KCND2: variants seen among roughly 807,000 people sequenced by gnomAD.
The protein encoded by KCND2 is potassium voltage-gated channel subfamily D member 2, also known as A-type voltage-gated potassium channel KCND2.
A neutral mutation model predicts 54.4 loss-of-function variants in KCND2; 16 were observed. The ratio of observed to expected loss-of-function variants is 0.29; its 90% confidence interval spans 0.20 to 0.45. The LOEUF is 0.45. Ranked by LOEUF, KCND2 falls within the 20% of genes least tolerant of loss-of-function variation. The pLI is 1.00. For synonymous variants in KCND2, 317 were observed against 310.7 expected (o/e 1.02, Z -0.21); for missense variants, 486 against 824.2 (o/e 0.59, Z 5.02).
chr7:120,599,246 A>C (rs539756747), intron 1 of KCND2, among the ~76,000 whole-genome samples: 61 of 152,232 alleles, frequency 4.0e-4, no homozygotes, highest in African/African-American at 1.4e-3. Flanking sequence ...GTCTTGAAAT[A>C]AGATGAATTC....
At chr7:120,600,187 A>G (rs1454208514) in intron 1 of KCND2, among the ~76,000 whole-genome samples, 1 of 151,958 alleles carries the variant, frequency 6.6e-6, no homozygotes, top group African/African-American at 2.4e-5. Flanking sequence ...TATACACTAT[A>G]TATTTATGGA....
chr7:120,342,184 AGAT>A (rs1800249338), intron 1 of KCND2, among the ~76,000 whole-genome samples: 1 of 152,218 alleles, frequency 6.6e-6, no homozygotes, highest in African/African-American at 2.4e-5. Flanking sequence ...AGAGTAAGTT[AGAT>A]GTGGGCTCCA....
At chr7:120,576,141 C>T (rs1792430027) in intron 1 of KCND2, among the ~76,000 whole-genome samples, 2 of 152,104 alleles carry the variant, frequency 1.3e-5, no homozygotes, top group South Asian at 4.1e-4. Context: ...TCTTCTTCAG[C>T]AATTTTTCAG....
chr7:120,519,313 C>T (rs1043334844), intron 1 of KCND2, among the ~76,000 whole-genome samples: 19 of 152,100 alleles, frequency 1.2e-4, no homozygotes, highest in African/African-American at 4.6e-4. Context: ...CACCACTGCA[C>T]TCCAGCCTGG....
chr7:120,596,130 T>A (rs1792742983), intron 1 of KCND2, among the ~76,000 whole-genome samples: 1 of 152,194 alleles, frequency 6.6e-6, no homozygotes, highest in African/African-American at 2.4e-5. Context: ...TGCCCTTATT[T>A]TGTTTACTTA....
intron 1 of KCND2, among the ~76,000 whole-genome samples, chr7:120,489,007 G>A (rs1483395121): frequency 6.6e-6 from 1 of 152,048 alleles, no homozygotes; most frequent in African/African-American, 2.4e-5. Context: ...ACAGATAAAT[G>A]TTAACAAGCA....
chr7:120,703,872 A>G (rs903040975), intron 1 of KCND2, among the ~76,000 whole-genome samples: 9 of 152,094 alleles, frequency 5.9e-5, no homozygotes, highest in African/African-American at 1.7e-4. Flanking sequence ...ACATAAAACC[A>G]CTTTATTTCA....
chr7:120,377,664 T>C (rs774565834), intron 1 of KCND2, among the ~76,000 whole-genome samples: 5 of 152,008 alleles, frequency 3.3e-5, no homozygotes, highest in Non-Finnish European at 5.9e-5. Context: ...ACTCTCAGCT[T>C]ATTTTTATTT....
intron 1 of KCND2, among the ~76,000 whole-genome samples, chr7:120,589,147 C>T (rs1216244493): frequency 1.3e-5 from 2 of 152,110 alleles, no homozygotes; most frequent in Non-Finnish European, 2.9e-5. Context: ...TAGCTATAGA[C>T]TCCATCTTTC....
At chr7:120,449,010 A>G (rs1344391737) in intron 1 of KCND2, among the ~76,000 whole-genome samples, 1 of 152,122 alleles carries the variant, frequency 6.6e-6, no homozygotes, top group Non-Finnish European at 1.5e-5. Flanking sequence ...TTTCACCTAA[A>G]CAAACAGTCA....
chr7:120,699,524 T>A (rs1377771835), intron 1 of KCND2, among the ~76,000 whole-genome samples: 1 of 152,264 alleles, frequency 6.6e-6, no homozygotes, highest in South Asian at 2.1e-4. Flanking sequence ...GTGAAAATAT[T>A]AAACACAAGT....
In KCND2 at chr7:120,686,055, G is replaced by A. The variant is rs563314668; in HGVS notation, c.1116-46848G>A. On this transcript the variant is annotated intron_variant, in intron 1 of 5. Coordinates refer to ENST00000331113, the MANE Select transcript of KCND2 (RefSeq NM_012281.3). ...AAAAGTTTCTCTCTGGCAAAGAAAG[G>A]CATTAATACTTAAGGGGTATACCTA... Among the ~76,000 whole-genome samples, 4 of 152,254 alleles carry A rather than the reference G, an allele frequency of 2.6e-5. No homozygotes were observed. In the East Asian group the frequency reaches 7.7e-4, roughly 29 times the overall value.
intron 2 of KCND2, among the ~76,000 whole-genome samples, chr7:120,736,363 T>G (rs1310545555): frequency 6.6e-6 from 1 of 151,038 alleles, no homozygotes; most frequent in East Asian, 1.9e-4. Context: ...GACATGCTGG[T>G]GGGTATAGGC....
chr7:120,354,349 T>G (rs979381148), intron 1 of KCND2, among the ~76,000 whole-genome samples: 7 of 152,196 alleles, frequency 4.6e-5, no homozygotes, highest in African/African-American at 1.7e-4. Context: ...CTTGTCAACA[T>G]TTCAAAAATT....
rs747344317 is a variant in KCND2, at chr7:120,546,617, AT to A, written c.1116-186280del. Among the ~76,000 whole-genome samples the A allele has an allele frequency of 2.9e-4, 44 of 151,986 alleles. No homozygotes were observed. The East Asian group carries it at 3.1e-3, about 11-fold the overall frequency. ...ATATACATTCATGTCCTTTATTTGT[AT>A]TTTTTATAATTCTTCTATCTCCTGG... On this transcript the variant is annotated intron_variant, in intron 1 of 5. Coordinates refer to ENST00000331113, the MANE Select transcript of KCND2 (RefSeq NM_012281.3).
chr7:120,687,856 A>G (rs1237052147), intron 1 of KCND2, among the ~76,000 whole-genome samples: 2 of 152,214 alleles, frequency 1.3e-5, no homozygotes, highest in African/African-American at 2.4e-5. Flanking sequence ...TGAGATTTAC[A>G]TTGTAAAACA....
At chr7:120,374,087 A>G (rs1048013725) in intron 1 of KCND2, among the ~76,000 whole-genome samples, 2 of 151,774 alleles carry the variant, frequency 1.3e-5, no homozygotes, top group African/African-American at 4.8e-5. Context: ...AAGTAATTCA[A>G]AAGGTGGCCT....
At chr7:120,717,151 G>A (rs548538252) in intron 1 of KCND2, among the ~76,000 whole-genome samples, 6 of 152,090 alleles carry the variant, frequency 3.9e-5, no homozygotes, top group Admixed American at 1.3e-4. Flanking sequence ...GGTGACTAAC[G>A]TAGGCATTGT....
intron 1 of KCND2, among the ~76,000 whole-genome samples, chr7:120,452,361 C>A (rs756872301): frequency 8.5e-5 from 13 of 152,184 alleles, no homozygotes; most frequent in Non-Finnish European, 1.5e-4. Context: ...AAGGCACTTA[C>A]ACTCGGAGCC....
Sources: allele counts gnomAD v4.1 joint callset (sites outside exome capture counted in the v4.1 genomes callset), GRCh38; gene constraint gnomAD v4.1.1; transcripts MANE v1.5; gene names NCBI Gene and HGNC (gene_info 2026-07-23, HGNC 2026-07-21).